The following PDGFRB variants were observed in gnomAD, a reference collection of about 807,000 sequenced individuals.
The protein encoded by PDGFRB is platelet-derived growth factor receptor beta.
In PDGFRB, 42 loss-of-function variants were observed where a neutral mutation model predicts 120.2. The observed-to-expected ratio is 0.35, with a 90% CI of 0.27 to 0.45. The LOEUF (loss-of-function observed/expected upper bound fraction) is 0.45. Ranked by LOEUF, PDGFRB falls within the 20% of genes least tolerant of loss-of-function variation. The pLI is 1.00. For synonymous variants in PDGFRB, 586 were observed against 606.8 expected (o/e 0.97, Z 0.50); for missense variants, 1,149 against 1,476.3 (o/e 0.78, Z 3.63).
At position 150,122,053 on chromosome 5, in the gene PDGFRB, G is replaced by C; in HGVS notation, c.2184-13C>G. 6.2e-7 allele frequency: 1 copy of C among 1,611,484 alleles called. No individual in the cohort carries two copies. The highest frequency in any genetic ancestry group is 8.5e-7 in the Non-Finnish European group (1 of 1,179,190). On this transcript the variant is annotated splice_polypyrimidine_tract_variant and intron_variant, in intron 15 of 22. Transcript: ENST00000261799. The stretch of plus-strand genomic sequence containing the variant: ...CAAGGACACATGGCTGGGGGTAAAG[G>C]AGCATCACAGGAGAGCCTGCAGGCT...
At chr5:150,133,549 A>G (rs369580658) in intron 6 of PDGFRB, 37 bp downstream of exon 6, 9 of 1,576,986 alleles carry the variant, frequency 5.7e-6, no homozygotes, top group South Asian at 1.1e-5. Context: ...GGGAGCGTTG[A>G]AGGAATTGGG....
Position 150,121,209 on chromosome 5 carries a change from TG to T in PDGFRB, c.2457del (p.Lys820ArgfsTer48). ...QVANGMEFLA[S>X]KNCVHRDLAA... ...CCCACCAACACCACACGTACGTTCTTGGAGGCCAGAAACTCCATGCCATTGG... is the reference window on the plus strand; with the variant it reads ...CCCACCAACACCACACGTACGTTCTTGAGGCCAGAAACTCCATGCCATTGG... On this transcript the variant is annotated frameshift_variant, in exon 17 of 23. Coordinates refer to ENST00000261799, the MANE Select transcript of PDGFRB (RefSeq NM_002609.4). LOFTEE classifies it high-confidence loss of function. The surrounding 1 kb of genome is among the most constrained non-coding windows in gnomAD (Gnocchi z 4.1). The T allele has an allele frequency of 6.5e-7, 1 of 1,539,180 alleles. No homozygotes were observed. The highest frequency in any genetic ancestry group is 9.0e-7 in the Non-Finnish European group (1 of 1,111,618).
chr5:150,126,568 C>T lies in PDGFRB; in HGVS notation c.1626G>A (p.Val542=), dbSNP rs754120808. 10 of 1,611,408 alleles carry T rather than the reference C, an allele frequency of 6.2e-6. No homozygotes were observed. The highest frequency in any genetic ancestry group is 1.3e-5 in the African/African-American group (1 of 74,844). ...TGATAAGGGAGATGATGGTGAGCAC[C>T]ACCAGGGCCAGGATGGCTGAGATCA... ...VVVISAILAL[V]VLTIISLIIL... The change falls in exon 11 of 23, where the codon GTG becomes GTA. Residue 542 remains valine, a synonymous_variant. Coordinates refer to ENST00000261799, the MANE Select transcript of PDGFRB (RefSeq NM_002609.4).
At chr5:150,148,406 AC>A (rs1317832345) in intron 1 of PDGFRB, among the ~76,000 whole-genome samples, 1 of 152,210 alleles carries the variant, frequency 6.6e-6, no homozygotes, top group Non-Finnish European at 1.5e-5. Flanking sequence ...TCCTAATAAC[AC>A]AGGATTCACT....
chr5:150,142,634 C>T (rs566485556), intron 1 of PDGFRB, among the ~76,000 whole-genome samples: 6 of 150,138 alleles, frequency 4.0e-5, no homozygotes, highest in East Asian at 3.9e-4. Context: ...AGTGGTCCCC[C>T]CTATCTGCAG....
In PDGFRB at chr5:150,117,929, C is replaced by G. The variant is rs1335291281; in HGVS notation, c.2905-79G>C. On this transcript the variant is annotated intron_variant, in intron 21 of 22. Coordinates refer to ENST00000261799, the MANE Select transcript of PDGFRB (RefSeq NM_002609.4). ...CCTTCAGGGATCTTCTAACCGAGCC[C>G]ATCCCCCTTTGTATAAATAAGACCC... is the stretch of plus-strand genomic sequence containing the variant. 12 of 790,010 alleles carry G rather than the reference C, an allele frequency of 1.5e-5. No individual in the cohort carries two copies. In the East Asian group the frequency reaches 3.2e-4, roughly 21 times the overall value. 48.9% of individuals were successfully genotyped at this position (790,010 alleles called of 1,614,324 possible).
chr5:150,150,753 C>G (rs1416745009), intron 1 of PDGFRB, among the ~76,000 whole-genome samples: 1 of 152,082 alleles, frequency 6.6e-6, no homozygotes, highest in Non-Finnish European at 1.5e-5. Flanking sequence ...AATTTCACAC[C>G]CACTCCCACC....
Position 150,117,745 on chromosome 5 carries a change from T to C in PDGFRB, c.3010A>G (p.Thr1004Ala). 1.9e-6 allele frequency: 3 copies of C among 1,613,400 alleles called. No homozygotes were observed. The highest frequency in any genetic ancestry group is 2.5e-6 in the Non-Finnish European group (3 of 1,179,424). ...GFHGLRSPLDTSSVLYTAVQP... is the reference protein window; with the variant it reads ...GFHGLRSPLDASSVLYTAVQP... Reference sequence around the variant, plus strand: ...ACGGCAGTATAGAGGACGGAGCTGGTGTCCAGGGGAGATCGGAGGCCATGG... The same window carrying C: ...ACGGCAGTATAGAGGACGGAGCTGGCGTCCAGGGGAGATCGGAGGCCATGG... The change falls in exon 22 of 23, where the codon ACC (threonine) becomes GCC (alanine). Residue 1004 changes from threonine to alanine, a missense_variant. Around this residue, in one of 3 missense-constraint regions of PDGFRB, gnomAD observed 202 missense variants for 214.3 expected, o/e 0.94. Coordinates refer to ENST00000261799, the MANE Select transcript of PDGFRB (RefSeq NM_002609.4).
intron 1 of PDGFRB, 122 bp from the exon 2 acceptor site, chr5:150,137,175 G>T: frequency 1.4e-6 from 1 of 735,162 alleles, no homozygotes; most frequent in Non-Finnish European, 2.3e-6. Context: ...TGTCCGAGGG[G>T]CTGAAGTCAA....
At chr5:150,125,871 G>A (rs780175136) in intron 11 of PDGFRB, among the ~76,000 whole-genome samples, 24 of 152,316 alleles carry the variant, frequency 1.6e-4, no homozygotes, top group Admixed American at 1.1e-3. Context: ...CCCAGCCTTC[G>A]CTGCTCCTCA....
chr5:150,141,124 C>T (rs1021483252), intron 1 of PDGFRB, among the ~76,000 whole-genome samples: 1 of 152,212 alleles, frequency 6.6e-6, no homozygotes, highest in South Asian at 2.1e-4. Context: ...ATGCAAGAGG[C>T]CATGTGGGTG....
At chr5:150,149,502 T>TATCCATCC (rs142299049) in intron 1 of PDGFRB, among the ~76,000 whole-genome samples, 1 of 151,958 alleles carries the variant, frequency 6.6e-6, no homozygotes, top group Non-Finnish European at 1.5e-5. Flanking sequence ...TCCATCGATT[T>TATCCATCC]ATCCATCCAT....
At position 150,115,887 on chromosome 5, in the gene PDGFRB, G is replaced by C; in HGVS notation, c.3197C>G (p.Pro1066Arg). ...GGGCTCTGGCTCTGGTTCGTCCTGG[G>C]GCTCCAGGGGGCTGTCACAGGAGAT... ...STISCDSPLE[P>R]QDEPEPEPQL... Residue 1066 changes from proline to arginine, a missense_variant, in exon 23 of 23, where the codon CCC (proline) becomes CGC (arginine). Around this residue, in one of 3 missense-constraint regions of PDGFRB, gnomAD observed 202 missense variants for 214.3 expected, o/e 0.94. Coordinates refer to ENST00000261799, the MANE Select transcript of PDGFRB (RefSeq NM_002609.4). 1 of 1,607,044 alleles carries C rather than the reference G, an allele frequency of 6.2e-7. No homozygotes were observed. The highest frequency in any genetic ancestry group is 8.5e-7 in the Non-Finnish European group (1 of 1,176,156).
chr5:150,147,815 A>G (rs1760967385), intron 1 of PDGFRB, among the ~76,000 whole-genome samples: 1 of 152,094 alleles, frequency 6.6e-6, no homozygotes, highest in South Asian at 2.1e-4. Flanking sequence ...TGTCAGGGCT[A>G]TTGAAGGAGT....
chr5:150,126,328 C>A (rs1179849794), intron 11 of PDGFRB, among the ~76,000 whole-genome samples, 192 bp downstream of exon 11: 1 of 152,134 alleles, frequency 6.6e-6, no homozygotes, highest in Admixed American at 6.5e-5. Context: ...TAGCTCGGGC[C>A]AGGCTCAGGT....
rs181973599 is a variant in PDGFRB, at chr5:150,120,975, G to T, written c.2499C>A (p.Leu833=). ...TCTTGACCAGCTTGCCTTCACAGATGAGCACGTTCCTAGCCGCCAGGTCTC... is the reference window on the plus strand; with the variant it reads ...TCTTGACCAGCTTGCCTTCACAGATTAGCACGTTCCTAGCCGCCAGGTCTC... ...VHRDLAARNV[L]ICEGKLVKIC... is the part of the protein sequence containing the mutation. Residue 833 remains leucine, a synonymous_variant, in exon 18 of 23, where the codon CTC becomes CTA. Coordinates refer to ENST00000261799, the MANE Select transcript of PDGFRB (RefSeq NM_002609.4). This position sits in a 1 kb window ranked among gnomAD's most constrained non-coding sequence, Gnocchi z 4.3. 6.2e-6 allele frequency: 10 copies of T among 1,613,854 alleles called. No homozygotes were observed. In the African/African-American group the frequency reaches 8.0e-5, roughly 13 times the overall value.
rs774973182 is a variant in PDGFRB at position 150,121,160 on chromosome 5, A to T, written c.2463+44T>A. 8.0e-7 allele frequency: 1 copy of T among 1,256,914 alleles called. No individual in the cohort carries two copies. 77.9% of individuals were successfully genotyped at this position (1,256,914 alleles called of 1,614,324 possible). On this transcript the variant is annotated intron_variant, in intron 17 of 22. Coordinates refer to ENST00000261799, the MANE Select transcript of PDGFRB (RefSeq NM_002609.4). This position sits in a 1 kb window ranked among gnomAD's most constrained non-coding sequence, Gnocchi z 4.1. ...AGGATGCTGGCTGGCTGGGTGACCCACCTCCCCACAGCCCCCACTCTGCCC... is the reference window on the plus strand; with the variant it reads ...AGGATGCTGGCTGGCTGGGTGACCCTCCTCCCCACAGCCCCCACTCTGCCC...
chr5:150,125,694 G>T, intron 11 of PDGFRB, 117 bp from the exon 12 acceptor site: 1 of 912,462 alleles, frequency 1.1e-6, no homozygotes, highest in Non-Finnish European at 1.7e-6. Context: ...AGAGGGGCAG[G>T]GGCATATTTG....
At chr5:150,117,237 C>T (rs1314379805) in intron 22 of PDGFRB, among the ~76,000 whole-genome samples, 1 of 152,132 alleles carries the variant, frequency 6.6e-6, no homozygotes, top group Non-Finnish European at 1.5e-5. Context: ...GAACATAGGC[C>T]TCAGGCTGGC....
Sources: gnomAD v4.1 joint callset for allele counts (sites outside exome capture counted in the v4.1 genomes callset) on GRCh38, gnomAD v4.1.1 for gene constraint, gnomAD v4.1.1 regional missense constraint, Gnocchi (gnomAD v3.1) non-coding constraint, MANE v1.5 for transcripts, NCBI Gene and HGNC (gene_info 2026-07-23, HGNC 2026-07-21) for gene names.